BAZ2B: variants seen among roughly 807,000 people sequenced by gnomAD.
The protein encoded by BAZ2B is bromodomain adjacent to zinc finger domain protein 2B.
In BAZ2B, 91 loss-of-function variants were observed where a neutral mutation model predicts 246.0. That is an observed-to-expected ratio of 0.37 (90% CI 0.31 to 0.44). The LOEUF is 0.44. Ranked by LOEUF, BAZ2B falls within the 20% of genes least tolerant of loss-of-function variation. The pLI is 1.00. For missense variants in BAZ2B, 2,332 were observed against 2,533.7 expected, an observed-to-expected ratio of 0.92 and a Z score of 1.71; for synonymous variants, 855 against 860.0, an observed-to-expected ratio of 0.99 and a Z score of 0.10.
At chr2:159,527,272 A>G (rs576095381) in intron 2 of BAZ2B, among the ~76,000 whole-genome samples, 4 of 152,200 alleles carry the variant, frequency 2.6e-5, no homozygotes, top group African/African-American at 7.2e-5. Flanking sequence ...GGCGAAATGA[A>G]TATCTTTTGC....
In BAZ2B at chr2:159,337,039, C is replaced by T. The variant is rs2065796281; in HGVS notation, c.5699G>A (p.Arg1900Lys). The T allele has an allele frequency of 1.2e-6, 2 of 1,613,228 alleles. No individual in the cohort carries two copies. The highest frequency in any genetic ancestry group is 1.6e-4 in the Middle Eastern group (1 of 6,062). ...EDIAPGLRVW[R>K]RALSEARSAA... ...ACTGCGAGCTTCTGATAATGCCCTT[C>T]TCCATACCCTGAGCCCTGGAGCAAT... Residue 1900 changes from arginine to lysine, a missense_variant, in exon 33 of 37, where the codon AGA (arginine) becomes AAA (lysine). Physicochemically the swap from Arg to Lys is conservative, Grantham distance 26. Coordinates refer to ENST00000392783, the MANE Select transcript of BAZ2B (RefSeq NM_013450.4).
intron 4 of BAZ2B, among the ~76,000 whole-genome samples, chr2:159,453,133 A>G (rs1383129320): frequency 1.3e-5 from 2 of 152,120 alleles, no homozygotes; most frequent in Admixed American, 1.3e-4. Context: ...AAAACAGAAA[A>G]ATAAAGAAAT....
intron 33 of BAZ2B, among the ~76,000 whole-genome samples, chr2:159,333,415 A>G (rs1162881135): frequency 1.3e-5 from 2 of 152,136 alleles, no homozygotes; most frequent in Non-Finnish European, 2.9e-5. Context: ...TTCTAATATA[A>G]TTAAAGACTT....
At chr2:159,442,669 C>G (rs2073638654) in intron 6 of BAZ2B, among the ~76,000 whole-genome samples, 1 of 152,176 alleles carries the variant, frequency 6.6e-6, no homozygotes, top group Non-Finnish European at 1.5e-5. Flanking sequence ...TCCCTCCTTC[C>G]ATGCTAGCCA....
intron 2 of BAZ2B, among the ~76,000 whole-genome samples, chr2:159,541,397 A>G (rs1380236685): frequency 6.6e-6 from 1 of 151,554 alleles, no homozygotes; most frequent in Non-Finnish European, 1.5e-5. Context: ...CCTGCCTCAG[A>G]CTCCAGAGTA....
chr2:159,458,333 CT>C (rs59409554), intron 3 of BAZ2B: 24 of 145,276 alleles, frequency 1.7e-4, no homozygotes, highest in Non-Finnish European at 2.3e-4. Context: ...TTTCTTTTTT[CT>C]TTTTTTTTTG....
intron 2 of BAZ2B, among the ~76,000 whole-genome samples, chr2:159,530,717 C>A (rs903209626): frequency 6.6e-6 from 1 of 152,110 alleles, no homozygotes; most frequent in Non-Finnish European, 1.5e-5. Context: ...ACACCTTAAT[C>A]CTAGCACTTT....
intron 2 of BAZ2B, among the ~76,000 whole-genome samples, chr2:159,543,348 T>C (rs1396316563): frequency 6.6e-6 from 1 of 152,124 alleles, no homozygotes; most frequent in Non-Finnish European, 1.5e-5. Flanking sequence ...GGCTAAATGT[T>C]CTATCACCTC....
chr2:159,531,388 G>A (rs1288437019), intron 2 of BAZ2B, among the ~76,000 whole-genome samples: 1 of 152,050 alleles, frequency 6.6e-6, no homozygotes, highest in Non-Finnish European at 1.5e-5. Context: ...CAAACCAACT[G>A]AGAAATATTT....
intron 6 of BAZ2B, among the ~76,000 whole-genome samples, chr2:159,440,927 G>C (rs1449464854): frequency 1.3e-5 from 2 of 152,104 alleles, no homozygotes; most frequent in African/African-American, 4.8e-5. Flanking sequence ...TTCCCTCAAA[G>C]TAGGGCAGAC....
chr2:159,484,692 G>A (rs2079621614), intron 2 of BAZ2B, among the ~76,000 whole-genome samples: 1 of 152,178 alleles, frequency 6.6e-6, no homozygotes, highest in African/African-American at 2.4e-5. Context: ...CATGAACACT[G>A]ACAGCTGGTA....
At chr2:159,579,215 G>C (rs1686107988) in intron 1 of BAZ2B, among the ~76,000 whole-genome samples, 1 of 107,454 alleles carries the variant, frequency 9.3e-6, no homozygotes, top group Non-Finnish European at 1.9e-5. Context: ...GAATCAAATA[G>C]ACGCAATAAA....
chr2:159,583,986 A>C (rs562422928), intron 1 of BAZ2B, among the ~76,000 whole-genome samples: 25 of 152,316 alleles, frequency 1.6e-4, no homozygotes, highest in African/African-American at 4.8e-4. Flanking sequence ...GTGAAGAAGA[A>C]GTGTATTAAG....
At chr2:159,549,294 C>A (rs893648623) in intron 2 of BAZ2B, among the ~76,000 whole-genome samples, 3 of 152,036 alleles carry the variant, frequency 2.0e-5, no homozygotes, top group African/African-American at 4.8e-5. Flanking sequence ...AACAAACAAA[C>A]AAACAAACAA....
chr2:159,404,677 A>G, intron 16 of BAZ2B, 172 bp downstream of exon 16: 1 of 567,496 alleles, frequency 1.8e-6, no homozygotes, highest in Non-Finnish European at 3.0e-6. Context: ...GAAGTAGAAG[A>G]CTTTATTAAA....
At chr2:159,373,745 C>T (rs763948151) in intron 26 of BAZ2B, among the ~76,000 whole-genome samples, 19 of 152,216 alleles carry the variant, frequency 1.2e-4, no homozygotes, top group African/African-American at 1.9e-4. Context: ...GTGGGAGGAT[C>T]GCTTGAGCCT....
At chr2:159,573,263 C>G (rs879502352) in intron 1 of BAZ2B, among the ~76,000 whole-genome samples, 1 of 152,138 alleles carries the variant, frequency 6.6e-6, no homozygotes, top group Non-Finnish European at 1.5e-5. Context: ...TTTCAATTTA[C>G]TACAAAGCTA....
In BAZ2B at chr2:159,374,648, A is replaced by G. The variant is rs191555902; in HGVS notation, c.4068+43T>C. On this transcript the variant is annotated intron_variant, in intron 26 of 36. Transcript: ENST00000392783. ...AATCCCCTTACAATGTAGATTTCTA[A>G]AACACTGTGAAGAAGTTAAATGTTA... is the stretch of plus-strand genomic sequence containing the variant. The G allele has an allele frequency of 7.2e-4, 1,103 of 1,539,640 alleles. 9 individuals are homozygous for G. The African/African-American group carries it at 0.014, about 20-fold the overall frequency.
At chr2:159,499,988 GTTTC>G (rs373427636) in intron 2 of BAZ2B, among the ~76,000 whole-genome samples, 68 of 152,188 alleles carry the variant, frequency 4.5e-4, no homozygotes, top group African/African-American at 1.6e-3. Context: ...TCTGATGATA[GTTTC>G]TTTTACTGTG....
Sources: gnomAD v4.1 joint callset for allele counts (sites outside exome capture counted in the v4.1 genomes callset) on GRCh38, gnomAD v4.1.1 for gene constraint, MANE v1.5 for transcripts, NCBI Gene and HGNC (gene_info 2026-07-23, HGNC 2026-07-21) for gene names.